Variants in LRRC4C observed in about 807,000 individuals in gnomAD.
The protein encoded by LRRC4C is leucine-rich repeat-containing protein 4C.
In LRRC4C, 5 loss-of-function variants were observed where a neutral mutation model predicts 33.6. The observed-to-expected ratio is 0.15, with a 90% confidence interval of 0.08 to 0.31. The LOEUF is 0.31. Ranked by LOEUF, LRRC4C falls within the 10% of genes least tolerant of loss-of-function variation. The pLI is 1.00. For synonymous variants in LRRC4C, 329 were observed against 302.0 expected (o/e 1.09, Z -0.93); for missense variants, 560 against 796.7 (o/e 0.70, Z 3.58).
chr11:40,559,512 A>C (rs567555272), intron 3 of LRRC4C, among the ~76,000 whole-genome samples: 1 of 152,124 alleles, frequency 6.6e-6, no homozygotes, highest in East Asian at 1.9e-4. Flanking sequence ...AGAATTATTT[A>C]TATTCCTCTG....
At position 40,359,919 on chromosome 11, in the gene LRRC4C, G is replaced by A. The variant is rs115281639; in HGVS notation, c.-269-40198C>T. Among the ~76,000 whole-genome samples the A allele has an allele frequency of 7.2e-3, 1,094 of 152,236 alleles. 14 individuals carry two copies. The highest frequency in any genetic ancestry group is 0.025 in the African/African-American group (1,035 of 41,544). Reference sequence around the variant, plus strand: ...CCTATGAGATTCAAGGGAAAAAAGTGAAATCCACACCTCATCCCTACCTAA... The same window carrying A: ...CCTATGAGATTCAAGGGAAAAAAGTAAAATCCACACCTCATCCCTACCTAA... On this transcript the variant is annotated intron_variant, in intron 3 of 6. Coordinates refer to ENST00000528697, the MANE Select transcript of LRRC4C (RefSeq NM_001258419.2).
At chr11:40,188,814 T>G (rs984147715) in intron 5 of LRRC4C, among the ~76,000 whole-genome samples, 9 of 125,264 alleles carry the variant, frequency 7.2e-5, no homozygotes, top group African/African-American at 2.3e-4. Context: ...CTTGATGACA[T>G]GAAATGAAAA....
intron 3 of LRRC4C, among the ~76,000 whole-genome samples, chr11:40,545,591 C>T (rs1300094298): frequency 6.6e-6 from 1 of 151,878 alleles, no homozygotes; most frequent in Admixed American, 6.6e-5. Flanking sequence ...GGAACGTTAG[C>T]AGCAGGAAGA....
intron 1 of LRRC4C, among the ~76,000 whole-genome samples, chr11:40,965,950 T>G (rs1217697233): frequency 6.6e-6 from 1 of 152,252 alleles, no homozygotes; most frequent in African/African-American, 2.4e-5. Flanking sequence ...ATCTATAAAT[T>G]ACCTTGGGCA....
chr11:41,215,011 C>CACGTATATAT (rs1946992176), intron 1 of LRRC4C, among the ~76,000 whole-genome samples: 1 of 103,918 alleles, frequency 9.6e-6, no homozygotes. Flanking sequence ...ATTTTTTATT[C>CACGTATATAT]ATGTATATAT....
At chr11:40,788,290 G>A (rs1459055980) in intron 2 of LRRC4C, among the ~76,000 whole-genome samples, 1 of 149,998 alleles carries the variant, frequency 6.7e-6, no homozygotes, top group Admixed American at 6.6e-5. Flanking sequence ...CCTCAATAAA[G>A]CAACTGAACA....
At chr11:40,873,097 C>A (rs1203881166) in intron 2 of LRRC4C, among the ~76,000 whole-genome samples, 1 of 152,154 alleles carries the variant, frequency 6.6e-6, no homozygotes, top group Non-Finnish European at 1.5e-5. Context: ...GTGAAGTCCT[C>A]ATGTTTACAA....
intron 3 of LRRC4C, among the ~76,000 whole-genome samples, chr11:40,372,550 T>C (rs551983053): frequency 1.3e-5 from 2 of 152,214 alleles, no homozygotes; most frequent in South Asian, 2.1e-4. Context: ...GAATTCTCTT[T>C]TGCCGCGTAA....
At chr11:40,595,740 G>A (rs957761735) in intron 3 of LRRC4C, among the ~76,000 whole-genome samples, 4 of 152,026 alleles carry the variant, frequency 2.6e-5, no homozygotes, top group Non-Finnish European at 5.9e-5. Flanking sequence ...GGAGTACATA[G>A]CAACAGCAGG....
chr11:40,443,264 C>T lies in LRRC4C; in HGVS notation c.-269-123543G>A, dbSNP rs1951474459. On this transcript the variant is annotated intron_variant, in intron 3 of 6. Coordinates refer to ENST00000528697, the MANE Select transcript of LRRC4C (RefSeq NM_001258419.2). ...TTTCCCCTGTAGTTGGGAAAGACAA[C>T]ACAACTGTGATGACAAACAAGATAT... Among the ~76,000 whole-genome samples the T allele has an allele frequency of 2.6e-5, 4 of 152,274 alleles. No homozygotes were observed. In the South Asian group the frequency reaches 8.3e-4, roughly 32 times the overall value.
At chr11:41,374,984 G>A (rs900054652) in intron 1 of LRRC4C, among the ~76,000 whole-genome samples, 10 of 151,800 alleles carry the variant, frequency 6.6e-5, no homozygotes, top group African/African-American at 1.7e-4. Context: ...AAAATTAGCC[G>A]GGCGTGATGG....
intron 3 of LRRC4C, among the ~76,000 whole-genome samples, chr11:40,438,699 A>C (rs1237136220): frequency 6.6e-6 from 1 of 152,198 alleles, no homozygotes; most frequent in Non-Finnish European, 1.5e-5. Flanking sequence ...GCCCATCATA[A>C]ATGCATATAT....
rs537434212 is a variant in LRRC4C at position 40,358,246 on chromosome 11, C to G, written c.-269-38525G>C. Among the ~76,000 whole-genome samples, 6 of 152,024 alleles carry G rather than the reference C, an allele frequency of 3.9e-5. No individual in the cohort carries two copies. The East Asian group carries it at 7.8e-4, about 20-fold the overall frequency. On this transcript the variant is annotated intron_variant, in intron 3 of 6. Coordinates refer to ENST00000528697, the MANE Select transcript of LRRC4C (RefSeq NM_001258419.2). Reference sequence around the variant, plus strand: ...AAAAAGGAAATAGAGAGAAGTAAGGCTTGGAGAGGTGAGGTAAAGCTTCCC... The same window carrying G: ...AAAAAGGAAATAGAGAGAAGTAAGGGTTGGAGAGGTGAGGTAAAGCTTCCC...
chr11:41,100,008 C>A (rs1555073945), intron 1 of LRRC4C, among the ~76,000 whole-genome samples: 1 of 151,450 alleles, frequency 6.6e-6, no homozygotes, highest in Non-Finnish European at 1.5e-5. Flanking sequence ...TACCCCCTCC[C>A]AAAAAAAAGT....
intron 3 of LRRC4C, among the ~76,000 whole-genome samples, chr11:40,395,235 T>G (rs1490161243): frequency 6.6e-6 from 1 of 152,122 alleles, no homozygotes; most frequent in Non-Finnish European, 1.5e-5. Flanking sequence ...TTCCTGTGCA[T>G]AGGTATTTGG....
intron 4 of LRRC4C, among the ~76,000 whole-genome samples, chr11:40,259,107 T>C (rs1867463540): frequency 1.3e-5 from 2 of 152,182 alleles, no homozygotes; most frequent in African/African-American, 2.4e-5. Context: ...TCACAGCTAC[T>C]AGTGGAGTGT....
At chr11:40,866,638 T>C (rs1168138930) in intron 2 of LRRC4C, among the ~76,000 whole-genome samples, 2 of 152,092 alleles carry the variant, frequency 1.3e-5, no homozygotes, top group African/African-American at 2.4e-5. Context: ...GTCAAGCCAA[T>C]TGGGTATTGG....
At chr11:40,169,786 C>G (rs1859895705) in intron 5 of LRRC4C, among the ~76,000 whole-genome samples, 1 of 152,122 alleles carries the variant, frequency 6.6e-6, no homozygotes. Flanking sequence ...TGCAACATCA[C>G]TTTTACAATT....
intron 3 of LRRC4C, among the ~76,000 whole-genome samples, chr11:40,347,312 T>C (rs935119648): frequency 6.6e-6 from 1 of 152,210 alleles, no homozygotes; most frequent in Non-Finnish European, 1.5e-5. Flanking sequence ...TCTCCTACAA[T>C]TTCCTCACCT....
Sources: gnomAD v4.1 joint callset for allele counts (sites outside exome capture counted in the v4.1 genomes callset) on GRCh38, gnomAD v4.1.1 for gene constraint, MANE v1.5 for transcripts, NCBI Gene and HGNC (gene_info 2026-07-23, HGNC 2026-07-21) for gene names.